The following PLXNB1 variants were observed in gnomAD, a reference collection of about 807,000 sequenced individuals.
PLXNB1 encodes the protein plexin-B1.
In PLXNB1, 106 loss-of-function variants were observed where a neutral mutation model predicts 209.4. The ratio of observed to expected loss-of-function variants is 0.51; its 90% CI spans 0.43 to 0.59. PLXNB1 has a LOEUF of 0.59. Ranked by LOEUF, PLXNB1 falls within the 20% of genes least tolerant of loss-of-function variation. The probability of loss-of-function intolerance (pLI) is 0.00; values close to 1 mark genes in which losing one functional copy is unlikely to be tolerated. For synonymous variants in PLXNB1, 1,167 were observed against 1,183.2 expected (o/e 0.99, Z 0.28); for missense variants, 2,357 against 2,853.2 (o/e 0.83, Z 3.96).
At position 48,414,039 on chromosome 3, in the gene PLXNB1, C is replaced by T; in HGVS notation, c.4242G>A (p.Glu1414=). The T allele has an allele frequency of 1.2e-6, 2 of 1,613,996 alleles. No individual in the cohort carries two copies. Among genetic ancestry groups the T allele is most frequent in the Non-Finnish European group, 1.7e-6 (2 of 1,179,958 alleles). The change falls in exon 22 of 38, where the codon GAG becomes GAA. Residue 1414 remains glutamate (E), a synonymous_variant. Transcript: ENST00000296440. ...CATCCCCTATCATAGCCACCACCTCCTCCTTGGACATTGCAAGGTCCAGGT... is the reference window on the plus strand; with the variant it reads ...CATCCCCTATCATAGCCACCACCTCTTCCTTGGACATTGCAAGGTCCAGGT... ...GENLDLAMSK[E]EVVAMIGDGP... is the part of the protein sequence containing the mutation.
At position 48,415,996 on chromosome 3, in the gene PLXNB1, G is replaced by A. The variant is rs2038067568; in HGVS notation, c.3617+35C>T. ...ACCCCTCCATCTTTCCCCTGGAGCAGATGGATTTTTGCAGGATGAGGAAGT... is the reference window on the plus strand; with the variant it reads ...ACCCCTCCATCTTTCCCCTGGAGCAAATGGATTTTTGCAGGATGAGGAAGT... On this transcript the variant is annotated intron_variant, in intron 18 of 37. Coordinates refer to ENST00000296440, the MANE Select transcript of PLXNB1 (RefSeq NM_001130082.3). This position sits in a 1 kb window ranked among gnomAD's most constrained non-coding sequence, Gnocchi z 5.0. The A allele has an allele frequency of 6.3e-7, 1 of 1,588,966 alleles. No individual in the cohort carries two copies. Among genetic ancestry groups the A allele is most frequent in the Non-Finnish European group, 8.6e-7 (1 of 1,166,092 alleles).
rs546908494 is a variant in PLXNB1, at chr3:48,406,843, C to A, written c.6208G>T (p.Val2070Phe). ...CTTACCCAGGACAGTTCAGCCAGGACAGAGTTCATCTCTTGGTCGCTGGCT... is the reference window on the plus strand; with the variant it reads ...CTTACCCAGGACAGTTCAGCCAGGAAAGAGTTCATCTCTTGGTCGCTGGCT... ...VPASDQEMNS[V>F]LAELSWNYSG... Residue 2070 changes from valine to phenylalanine, a missense_variant, in exon 36 of 38, where the codon GTC becomes TTC. Transcript: ENST00000296440. This position sits in a 1 kb window ranked among gnomAD's most constrained non-coding sequence, Gnocchi z 4.4. 1.9e-6 allele frequency: 3 copies of A among 1,611,894 alleles called. No individual in the cohort carries two copies. Among genetic ancestry groups the A allele is most frequent in the Non-Finnish European group, 2.5e-6 (3 of 1,178,978 alleles).
At chr3:48,412,058 A>G in intron 27 of PLXNB1, 49 bp from the exon 28 acceptor site, 1 of 1,602,696 alleles carries the variant, frequency 6.2e-7, no homozygotes. Flanking sequence ...GCAGAGGTGT[A>G]TGGGACATGA....
At position 48,418,653 on chromosome 3, in the gene PLXNB1, G is replaced by A; in HGVS notation, c.2956-111C>T. 1.0e-6 allele frequency: 1 copy of A among 989,636 alleles called. No homozygotes were observed. The highest frequency in any genetic ancestry group is 1.5e-6 in the Non-Finnish European group (1 of 651,728). 61.3% of individuals were successfully genotyped at this position (989,636 alleles called of 1,614,324 possible). ...GACCAGTTAGGAGCATAGGGTCAGA[G>A]GGACCCCATGGGGCCACAAGTTGGA... On this transcript the variant is annotated intron_variant, in intron 13 of 37. Transcript: ENST00000296440. The surrounding 1 kb of genome is among the most constrained non-coding windows in gnomAD (Gnocchi z 6.6).
Position 48,418,571 on chromosome 3 carries a change from A to G in PLXNB1, c.2956-29T>C, listed in dbSNP as rs1442890302. 4 of 1,547,558 alleles carry G rather than the reference A, an allele frequency of 2.6e-6. No individual in the cohort carries two copies. Among genetic ancestry groups the G allele is most frequent in the Non-Finnish European group, 3.5e-6 (4 of 1,138,344 alleles). ...GAGAAATGGGAGTGGGTTCAGAGTC[A>G]AGCACTGGGGGAAGTGTCAGGCCTG... On this transcript the variant is annotated intron_variant, in intron 13 of 37. Coordinates refer to ENST00000296440, the MANE Select transcript of PLXNB1 (RefSeq NM_001130082.3). The surrounding 1 kb of genome is among the most constrained non-coding windows in gnomAD (Gnocchi z 6.6).
chr3:48,410,847 A>C lies in PLXNB1; in HGVS notation c.5416+21T>G, dbSNP rs775445544. Reference sequence around the variant, plus strand: ...AGGCCCAACAGTGGCTCAGGTCCCCAGGGGCTCTCCACGCCCTCACCAACA... The same window carrying C: ...AGGCCCAACAGTGGCTCAGGTCCCCCGGGGCTCTCCACGCCCTCACCAACA... On this transcript the variant is annotated intron_variant, in intron 29 of 37. Coordinates refer to ENST00000296440, the MANE Select transcript of PLXNB1 (RefSeq NM_001130082.3). This position sits in a 1 kb window ranked among gnomAD's most constrained non-coding sequence, Gnocchi z 6.4. 1 of 1,598,884 alleles carries C rather than the reference A, an allele frequency of 6.3e-7. No homozygotes were observed. Among genetic ancestry groups the C allele is most frequent in the Non-Finnish European group, 8.5e-7 (1 of 1,172,764 alleles).
chr3:48,412,174 G>A (rs1181776763), intron 27 of PLXNB1, 64 bp downstream of exon 27: 43 of 1,558,440 alleles, frequency 2.8e-5, no homozygotes, highest in Non-Finnish European at 3.4e-5. Flanking sequence ...GTGGCTGAGG[G>A]CTTAGAAGTT....
Position 48,422,377 on chromosome 3 carries a change from G to A in PLXNB1, c.1373C>T (p.Thr458Ile), listed in dbSNP as rs1196716522. 3 of 1,609,212 alleles carry A rather than the reference G, an allele frequency of 1.9e-6. No homozygotes were observed. The highest frequency in any genetic ancestry group is 2.5e-6 in the Non-Finnish European group (3 of 1,177,626). ...QQGSAVSRDL[T>I]FDGTFEHLYV... ...CAGGTGCTCAAAGGTCCCATCAAAGGTGAGGTCTCTGCTCACTGCAGACCC... is the reference window on the plus strand; with the variant it reads ...CAGGTGCTCAAAGGTCCCATCAAAGATGAGGTCTCTGCTCACTGCAGACCC... The change falls in exon 5 of 38, where the codon ACC (threonine) becomes ATC (isoleucine). Residue 458 changes from threonine (T) to isoleucine (I), a missense_variant. Physicochemically the swap from Thr to Ile is moderately conservative, Grantham distance 89. Around this residue, in one of 7 missense-constraint regions of PLXNB1, gnomAD observed 404 missense variants for 443.6 expected, o/e 0.91. Coordinates refer to ENST00000296440, the MANE Select transcript of PLXNB1 (RefSeq NM_001130082.3).
intron 1 of PLXNB1, among the ~76,000 whole-genome samples, chr3:48,428,174 G>T (rs1258402777): frequency 6.6e-6 from 1 of 152,110 alleles, no homozygotes; most frequent in Non-Finnish European, 1.5e-5. Flanking sequence ...GGAGATAGGG[G>T]GCCCACAATC....
chr3:48,411,145 G>T lies in PLXNB1; in HGVS notation c.5248-109C>A. ...AGAAACTGCTGCCTCCAATCCCCAC[G>T]CACCACACAATCCCTAATTCTCGTC... is the stretch of plus-strand genomic sequence containing the variant. On this transcript the variant is annotated intron_variant, in intron 28 of 37. Transcript: ENST00000296440. The surrounding 1 kb of genome is among the most constrained non-coding windows in gnomAD (Gnocchi z 4.0). 2 of 879,982 alleles carry T rather than the reference G, an allele frequency of 2.3e-6. No homozygotes were observed. The highest frequency in any genetic ancestry group is 3.4e-6 in the Non-Finnish European group (2 of 583,412). 54.5% of individuals were successfully genotyped at this position (879,982 alleles called of 1,614,324 possible). A position where few individuals can be genotyped will look rare whatever the true frequency, so the allele number is the denominator to read the frequency against.
Position 48,420,092 on chromosome 3 carries a change from G to A in PLXNB1, c.2194C>T (p.Leu732=). 1.2e-6 allele frequency: 2 copies of A among 1,613,580 alleles called. No homozygotes were observed. The highest frequency in any genetic ancestry group is 1.7e-6 in the Non-Finnish European group (2 of 1,179,924). Residue 732 remains leucine (L), a synonymous_variant, in exon 11 of 38, where the codon CTG becomes TTG. Transcript: ENST00000296440. ...SDISPGASPS[L]LSPWGPWAGS... ...GCCCATGGCCCCCAGGGGCTGAGCA[G>A]GGAAGGACTAGCCCCAGGTGAGATG...
intron 37 of PLXNB1, 68 bp from the exon 38 acceptor site, chr3:48,404,658 G>T (rs1560041254): frequency 9.6e-7 from 1 of 1,045,530 alleles, no homozygotes; most frequent in Non-Finnish European, 1.4e-6. Flanking sequence ...AAATTCAACA[G>T]CCCTCCTAAG....
rs1274542726 is a variant in PLXNB1, at chr3:48,416,186, G to A, written c.3481-19C>T. 13 of 1,596,572 alleles carry A rather than the reference G, an allele frequency of 8.1e-6. No homozygotes were observed. The highest frequency in any genetic ancestry group is 1.3e-5 in the African/African-American group (1 of 74,618). Reference sequence around the variant, plus strand: ...TCGGATCCTGTGGGACAGACAGGGAGAGAGATGAGCATCAGACCAGACACA... The same window carrying A: ...TCGGATCCTGTGGGACAGACAGGGAAAGAGATGAGCATCAGACCAGACACA... On this transcript the variant is annotated intron_variant, in intron 17 of 37. Coordinates refer to ENST00000296440, the MANE Select transcript of PLXNB1 (RefSeq NM_001130082.3). This position sits in a 1 kb window ranked among gnomAD's most constrained non-coding sequence, Gnocchi z 4.1.
At chr3:48,421,544 C>A in intron 7 of PLXNB1, 130 bp downstream of exon 7, 3 of 1,194,976 alleles carry the variant, frequency 2.5e-6, no homozygotes, top group Middle Eastern at 4.3e-4. Flanking sequence ...GGAAACTGAG[C>A]TCCTAAAAGA....
In PLXNB1 at chr3:48,416,012, A is replaced by G. The variant is rs764845157; in HGVS notation, c.3617+19T>C. ...CCTGGAGCAGATGGATTTTTGCAGGATGAGGAAGTGGCCCTCACAAGTGAC... is the reference window on the plus strand; with the variant it reads ...CCTGGAGCAGATGGATTTTTGCAGGGTGAGGAAGTGGCCCTCACAAGTGAC... On this transcript the variant is annotated intron_variant, in intron 18 of 37. Transcript: ENST00000296440. The surrounding 1 kb of genome is among the most constrained non-coding windows in gnomAD (Gnocchi z 4.1). The G allele has an allele frequency of 3.8e-6, 6 of 1,599,472 alleles. No homozygotes were observed. In the South Asian group the frequency reaches 6.8e-5, roughly 18 times the overall value.
In PLXNB1 at chr3:48,417,862, G is replaced by A. The variant is rs556527210; in HGVS notation, c.3374+49C>T. ...GAGGCCCCAAGCAGCAACGCCAACC[G>A]CGGAGGCCCCAGGCTGCGCCGTGCT... On this transcript the variant is annotated intron_variant, in intron 16 of 37. Coordinates refer to ENST00000296440, the MANE Select transcript of PLXNB1 (RefSeq NM_001130082.3). The surrounding 1 kb of genome is among the most constrained non-coding windows in gnomAD (Gnocchi z 4.4). The A allele has an allele frequency of 1.3e-5, 20 of 1,562,940 alleles. No homozygotes were observed. Among genetic ancestry groups the A allele is most frequent in the African/African-American group, 5.4e-5 (4 of 73,948 alleles).
At chr3:48,414,336 G>T (rs2037922129) in intron 21 of PLXNB1, among the ~76,000 whole-genome samples, 1 of 152,148 alleles carries the variant, frequency 6.6e-6, no homozygotes, top group African/African-American at 2.4e-5. Context: ...ACCTAACAAA[G>T]CTGGAGCCCC....
chr3:48,421,102 G>T, intron 8 of PLXNB1, 126 bp downstream of exon 8: 1 of 1,316,246 alleles, frequency 7.6e-7, no homozygotes, highest in Non-Finnish European at 1.1e-6. Flanking sequence ...TCAGGTGGTT[G>T]GGGAGTGGGA....
In PLXNB1 at chr3:48,405,788, C is replaced by A; in HGVS notation, c.6239G>T (p.Gly2080Val). The change falls in exon 37 of 38, where the codon GGA becomes GTA. Residue 2080 changes from glycine to valine, a missense_variant. By Grantham distance (109) the Gly-to-Val change is moderately radical. Around this residue, in one of 7 missense-constraint regions of PLXNB1, gnomAD observed 414 missense variants for 520.5 expected, o/e 0.80. Coordinates refer to ENST00000296440, the MANE Select transcript of PLXNB1 (RefSeq NM_001130082.3). This position sits in a 1 kb window ranked among gnomAD's most constrained non-coding sequence, Gnocchi z 5.0. ...CAGGGCCACTCGCGCCCCGAGGTCT[C>A]CGGAGTAGTTCTAGGGAAGAGGCCA... ...VLAELSWNYS[G>V]DLGARVALHE... The A allele has an allele frequency of 6.2e-7, 1 of 1,613,448 alleles. No homozygotes were observed. Among genetic ancestry groups the A allele is most frequent in the South Asian group, 1.1e-5 (1 of 91,044 alleles).
Sources: gnomAD v4.1 joint callset for allele counts (sites outside exome capture counted in the v4.1 genomes callset) on GRCh38, gnomAD v4.1.1 for gene constraint, gnomAD v4.1.1 regional missense constraint, Gnocchi (gnomAD v3.1) non-coding constraint, MANE v1.5 for transcripts, NCBI Gene and HGNC (gene_info 2026-07-23, HGNC 2026-07-21) for gene names.